The following CPEB1 variants were observed in gnomAD, a reference collection of about 807,000 sequenced individuals.
CPEB1 encodes the protein cytoplasmic polyadenylation element-binding protein 1.
Under a neutral mutation model 65.8 loss-of-function variants are expected in CPEB1, and 7 were observed. The ratio of observed to expected loss-of-function variants is 0.11; its 90% CI spans 0.06 to 0.20. CPEB1 has a LOEUF of 0.20. CPEB1 is among the 10% of genes least tolerant of loss of function. The pLI, the probability that CPEB1 is intolerant of heterozygous loss-of-function variation, is 1.00. For synonymous variants in CPEB1, 262 were observed against 260.0 expected, an observed-to-expected ratio of 1.01 and a Z score of -0.08; for missense variants, 551 against 712.2, an observed-to-expected ratio of 0.77 and a Z score of 2.58.
intron 3 of CPEB1, among the ~76,000 whole-genome samples, chr15:82,599,559 C>G (rs924663777): frequency 1.3e-5 from 2 of 151,942 alleles, no homozygotes; most frequent in African/African-American, 4.8e-5. Flanking sequence ...ACCAGGAAAC[C>G]CTCTCCCCAC....
chr15:82,630,793 T>C (rs1168129621), intron 1 of CPEB1, among the ~76,000 whole-genome samples: 1 of 152,096 alleles, frequency 6.6e-6, no homozygotes, highest in Non-Finnish European at 1.5e-5. Context: ...TTATCAAAAG[T>C]GGTCCAGTGT....
intron 9 of CPEB1, among the ~76,000 whole-genome samples, chr15:82,549,972 C>T (rs1469544189): frequency 6.6e-6 from 1 of 152,138 alleles, no homozygotes. Context: ...ATTTCAACCT[C>T]CAACTGTGTA....
upstream of CPEB1, chr15:82,647,944 G>A (rs1490064001): frequency 2.6e-6 from 3 of 1,174,570 alleles, no homozygotes; most frequent in African/African-American, 1.6e-5. Flanking sequence ...ACGCACGTGG[G>A]CACTATTTTT....
intron 4 of CPEB1, among the ~76,000 whole-genome samples, chr15:82,562,712 A>G (rs1230381852): frequency 6.6e-6 from 1 of 151,978 alleles, no homozygotes; most frequent in African/African-American, 2.4e-5. Context: ...GCATGCACTG[A>G]TAGTCCCAGT....
intron 3 of CPEB1, among the ~76,000 whole-genome samples, chr15:82,620,892 C>T (rs775300695): frequency 6.6e-6 from 1 of 152,144 alleles, no homozygotes; most frequent in Non-Finnish European, 1.5e-5. Context: ...TTAATTTTTG[C>T]CTCTACATGT....
In CPEB1 at chr15:82,624,676, T is replaced by G. The variant is rs180690997; in HGVS notation, c.271+2517A>C. Among the ~76,000 whole-genome samples the G allele has an allele frequency of 1.6e-3, 244 of 152,242 alleles. 1 individual carries two copies. The highest frequency in any genetic ancestry group is 5.5e-3 in the African/African-American group (228 of 41,532). Reference sequence around the variant, plus strand: ...TCCCTGGACAGCTGCAAACATACACTCTGGAAAGCTCCTCTCCCATCAATC... The same window carrying G: ...TCCCTGGACAGCTGCAAACATACACGCTGGAAAGCTCCTCTCCCATCAATC... On this transcript the variant is annotated intron_variant, in intron 3 of 12. Transcript: ENST00000684509.
At chr15:82,559,940 C>T (rs1567178167) in intron 4 of CPEB1, among the ~76,000 whole-genome samples, 1 of 152,106 alleles carries the variant, frequency 6.6e-6, no homozygotes, top group Non-Finnish European at 1.5e-5. Context: ...AAAAATTAGC[C>T]AGGCGTGAAA....
intron 3 of CPEB1, among the ~76,000 whole-genome samples, chr15:82,577,276 C>A (rs539263197): frequency 2.9e-4 from 44 of 152,148 alleles, no homozygotes; most frequent in Non-Finnish European, 4.4e-4. Flanking sequence ...CCAGGCTGGT[C>A]TCGAACTCCT....
At chr15:82,621,314 T>C (rs1193173871) in intron 3 of CPEB1, among the ~76,000 whole-genome samples, 4 of 89,328 alleles carry the variant, frequency 4.5e-5, no homozygotes, top group African/African-American at 2.4e-4. Context: ...TGACACCATG[T>C]CTCTTAAAAA....
chr15:82,602,212 G>T (rs2043179168), intron 3 of CPEB1, among the ~76,000 whole-genome samples: 1 of 152,090 alleles, frequency 6.6e-6, no homozygotes, highest in South Asian at 2.1e-4. Flanking sequence ...AAGACAACTA[G>T]AAAGTCCCAA....
chr15:82,564,948 G>A (rs1278567122), intron 4 of CPEB1, among the ~76,000 whole-genome samples: 5 of 152,158 alleles, frequency 3.3e-5, no homozygotes, highest in Admixed American at 3.3e-4. Context: ...AAAGGACTTG[G>A]ATTGATGGCT....
intron 3 of CPEB1, chr15:82,583,321 T>C (rs1220647040): frequency 6.6e-6 from 1 of 152,194 alleles, no homozygotes; most frequent in Admixed American, 6.5e-5. Flanking sequence ...AGGTAACAAC[T>C]AGTTTTAGTA....
At chr15:82,589,788 C>A (rs2042073406) in intron 3 of CPEB1, among the ~76,000 whole-genome samples, 1 of 152,014 alleles carries the variant, frequency 6.6e-6, no homozygotes, top group South Asian at 2.1e-4. Context: ...TTGGATTCAA[C>A]CAACCGCAGA....
At chr15:82,591,744 A>C (rs540744784) in intron 3 of CPEB1, among the ~76,000 whole-genome samples, 3 of 151,666 alleles carry the variant, frequency 2.0e-5, no homozygotes, top group Non-Finnish European at 2.9e-5. Flanking sequence ...AGATTTACCT[A>C]TTCTGGATAT....
intron 3 of CPEB1, among the ~76,000 whole-genome samples, chr15:82,606,958 C>G (rs966974008): frequency 1.3e-5 from 2 of 151,604 alleles, no homozygotes; most frequent in African/African-American, 4.9e-5. Context: ...CAGAGCAAGA[C>G]TTTGTCTCTT....
At chr15:82,646,573 G>A (rs756695427) in intron 1 of CPEB1, among the ~76,000 whole-genome samples, 1 of 152,192 alleles carries the variant, frequency 6.6e-6, no homozygotes, top group Admixed American at 6.5e-5. Flanking sequence ...GGTGCAAGGG[G>A]CCAGGGCTGC....
intron 1 of CPEB1, among the ~76,000 whole-genome samples, chr15:82,631,725 C>A (rs1197769458): frequency 6.6e-6 from 1 of 152,104 alleles, no homozygotes; most frequent in Admixed American, 6.5e-5. Context: ...CCCTTCTATT[C>A]CTGGTACCCC....
At chr15:82,550,557 TGG>T (rs1045541780) in intron 9 of CPEB1, among the ~76,000 whole-genome samples, 1 of 152,152 alleles carries the variant, frequency 6.6e-6, no homozygotes, top group African/African-American at 2.4e-5. Context: ...TACACGGTCT[TGG>T]GATGAGAGGA....
intron 3 of CPEB1, among the ~76,000 whole-genome samples, chr15:82,615,036 A>G (rs910490145): frequency 1.3e-5 from 2 of 152,174 alleles, no homozygotes; most frequent in African/African-American, 4.8e-5. Flanking sequence ...AACCCCTACA[A>G]ATGGGTACTA....
Sources: allele counts gnomAD v4.1 joint callset (sites outside exome capture counted in the v4.1 genomes callset), GRCh38; gene constraint gnomAD v4.1.1; transcripts MANE v1.5; gene names NCBI Gene and HGNC (gene_info 2026-07-23, HGNC 2026-07-21).